Variants in CSGALNACT1 observed in about 807,000 individuals in gnomAD.
CSGALNACT1 encodes the protein chondroitin sulfate N-acetylgalactosaminyltransferase 1.
In CSGALNACT1, 52 loss-of-function variants were observed where a neutral mutation model predicts 51.0. The observed-to-expected ratio is 1.02, with a 90% CI of 0.82 to 1.29. CSGALNACT1 has a LOEUF of 1.29. CSGALNACT1 is among the 50% of genes most tolerant of loss of function. The pLI is 0.00. For synonymous variants in CSGALNACT1, 341 were observed against 254.4 expected (o/e 1.34, Z -3.24); for missense variants, 935 against 679.2 (o/e 1.38, Z -4.19).
At chr8:19,695,162 A>G (rs1204566491) in intron 1 of CSGALNACT1, among the ~76,000 whole-genome samples, 1 of 152,204 alleles carries the variant, frequency 6.6e-6, no homozygotes, top group Non-Finnish European at 1.5e-5. Context: ...GAAATTCAAT[A>G]TATTTTCACA....
intron 4 of CSGALNACT1, 53 bp from the exon 4 acceptor site, chr8:19,458,695 G>T: frequency 6.5e-7 from 1 of 1,536,458 alleles, no homozygotes; most frequent in Admixed American, 1.7e-5. Context: ...CTTGGCTGCT[G>T]AGTGTTTTTC....
chr8:19,432,954 GATTT>G (rs1447119259), intron 6 of CSGALNACT1, among the ~76,000 whole-genome samples: 1 of 151,642 alleles, frequency 6.6e-6, no homozygotes, highest in Non-Finnish European at 1.5e-5. Flanking sequence ...TCTAATGACC[GATTT>G]TTTTTTTCTC....
intron 4 of CSGALNACT1, among the ~76,000 whole-genome samples, chr8:19,504,077 G>C (rs1019603012): frequency 6.6e-6 from 1 of 152,118 alleles, no homozygotes; most frequent in Non-Finnish European, 1.5e-5. Flanking sequence ...TGGGCAAGAT[G>C]AATTATTATT....
chr8:19,695,543 A>G (rs530393240), intron 1 of CSGALNACT1, among the ~76,000 whole-genome samples: 1 of 152,362 alleles, frequency 6.6e-6, no homozygotes, highest in South Asian at 2.1e-4. Context: ...CCAGGAAAAT[A>G]ACCTAAGAAA....
At chr8:19,599,516 G>GAAAGAAAGAAAGAAAGAAAGAAAC (rs2049892229) in intron 2 of CSGALNACT1, among the ~76,000 whole-genome samples, 2 of 119,280 alleles carry the variant, frequency 1.7e-5, no homozygotes, top group African/African-American at 6.2e-5. Flanking sequence ...AAGAAAGAAA[G>GAAAGAAAGAAAGAAAGAAAGAAAC]AAAGAAAGAA....
At chr8:19,730,454 T>A (rs956300214) in intron 1 of CSGALNACT1, among the ~76,000 whole-genome samples, 1 of 152,218 alleles carries the variant, frequency 6.6e-6, no homozygotes, top group African/African-American at 2.4e-5. Flanking sequence ...TGGTATTATG[T>A]CCATGCTGAG....
intron 4 of CSGALNACT1, among the ~76,000 whole-genome samples, chr8:19,498,204 G>A (rs1017947608): frequency 6.6e-6 from 1 of 152,146 alleles, no homozygotes; most frequent in African/African-American, 2.4e-5. Flanking sequence ...AGGTTACCAG[G>A]TCTTTCAAGC....
intron 3 of CSGALNACT1, among the ~76,000 whole-genome samples, chr8:19,578,494 T>G (rs1407705101): frequency 6.6e-6 from 1 of 151,582 alleles, no homozygotes; most frequent in Non-Finnish European, 1.5e-5. Context: ...ATATTAACTT[T>G]TATTTAAGTG....
At chr8:19,715,998 T>C (rs554697441) in intron 1 of CSGALNACT1, among the ~76,000 whole-genome samples, 3 of 152,372 alleles carry the variant, frequency 2.0e-5, no homozygotes, top group African/African-American at 7.2e-5. Flanking sequence ...TCCATGCTTG[T>C]CAGCCTTGTA....
At chr8:19,590,977 G>A (rs970370055) in intron 3 of CSGALNACT1, among the ~76,000 whole-genome samples, 4 of 152,064 alleles carry the variant, frequency 2.6e-5, no homozygotes, top group African/African-American at 4.8e-5. Flanking sequence ...TAGCCATTAG[G>A]TATTTCCTTT....
chr8:19,757,679 A>T lies in CSGALNACT1; in HGVS notation c.-297+171T>A, dbSNP rs2065481923. Among the ~76,000 whole-genome samples, 1 of 152,094 alleles carries T rather than the reference A, an allele frequency of 6.6e-6. No individual in the cohort carries two copies. Among genetic ancestry groups the T allele is most frequent in the Non-Finnish European group, 1.5e-5 (1 of 68,012 alleles). On this transcript the variant is annotated intron_variant, in intron 1 of 1. Transcript: ENST00000517494. The surrounding 1 kb of genome is among the most constrained non-coding windows in gnomAD (Gnocchi z 4.0). ...TGGGGTCCTTACTCTTGCAGGACAG[A>T]GTTCCCCATCCCCCTGCTCCACCCG...
intron 3 of CSGALNACT1, among the ~76,000 whole-genome samples, chr8:19,574,559 C>T (rs1422367362): frequency 6.6e-6 from 1 of 152,172 alleles, no homozygotes; most frequent in Non-Finnish European, 1.5e-5. Context: ...GGCAGCCACA[C>T]ATATGGTGTG....
At chr8:19,726,982 A>G (rs112359288) in intron 1 of CSGALNACT1, among the ~76,000 whole-genome samples, 1 of 152,186 alleles carries the variant, frequency 6.6e-6, no homozygotes, top group Non-Finnish European at 1.5e-5. Context: ...GTTACTAGTC[A>G]AGGTGCCACT....
chr8:19,757,161 T>G lies in CSGALNACT1; in HGVS notation c.-297+689A>C, dbSNP rs1430952637. On this transcript the variant is annotated intron_variant, in intron 1 of 1. Coordinates refer to the CSGALNACT1 transcript ENST00000517494. This position sits in a 1 kb window ranked among gnomAD's most constrained non-coding sequence, Gnocchi z 4.0. Reference sequence around the variant, plus strand: ...CCCCGCGCGGCACACCGCGCCCGGCTGGCCCGGGAGGGGACCCGACTCACC... The same window carrying G: ...CCCCGCGCGGCACACCGCGCCCGGCGGGCCCGGGAGGGGACCCGACTCACC... 6.7e-6 allele frequency: 1 copy of G among 149,594 alleles called. No homozygotes were observed. Among genetic ancestry groups the G allele is most frequent in the Non-Finnish European group, 1.5e-5 (1 of 66,944 alleles). The allele number at this position is 149,594 out of a possible 1,614,324, so 9.3% of individuals were successfully genotyped here.
At chr8:19,406,543 G>C (rs1225269952) in intron 9 of CSGALNACT1, among the ~76,000 whole-genome samples, 1 of 138,376 alleles carries the variant, frequency 7.2e-6, no homozygotes, top group African/African-American at 2.7e-5. Context: ...CTGATGTGAT[G>C]ATTACACATT....
chr8:19,636,025 C>G (rs2056008484), intron 1 of CSGALNACT1, among the ~76,000 whole-genome samples: 1 of 152,190 alleles, frequency 6.6e-6, no homozygotes, highest in Non-Finnish European at 1.5e-5. Context: ...CCTGTTCATT[C>G]ATTTTTCAAA....
chr8:19,447,632 A>G (rs2062368605), intron 5 of CSGALNACT1, among the ~76,000 whole-genome samples: 2 of 152,212 alleles, frequency 1.3e-5, no homozygotes. Flanking sequence ...ACAACCAAAC[A>G]GATCTCCAGA....
chr8:19,746,619 A>G (rs571703077), intron 1 of CSGALNACT1, among the ~76,000 whole-genome samples: 1 of 152,340 alleles, frequency 6.6e-6, no homozygotes, highest in East Asian at 1.9e-4. Context: ...GTTAGATCAA[A>G]TGATCTCAGA....
chr8:19,665,329 C>T (rs1211373855), intron 1 of CSGALNACT1, among the ~76,000 whole-genome samples: 1 of 152,126 alleles, frequency 6.6e-6, no homozygotes, highest in Non-Finnish European at 1.5e-5. Context: ...GTATTCACAG[C>T]CAAGTTACAT....
Sources: gnomAD v4.1 joint callset for allele counts (sites outside exome capture counted in the v4.1 genomes callset) on GRCh38, gnomAD v4.1.1 for gene constraint, Gnocchi (gnomAD v3.1) non-coding constraint, MANE v1.5 for transcripts, NCBI Gene and HGNC (gene_info 2026-07-23, HGNC 2026-07-21) for gene names.